The following H2AZ2 variants were observed in gnomAD, a reference collection of about 807,000 sequenced individuals.
The protein encoded by H2AZ2 is H2A.Z variant histone 2, also known as histone H2A.V.
In H2AZ2, 5 loss-of-function variants were observed where a neutral mutation model predicts 15.5. The observed-to-expected ratio is 0.32, with a 90% CI of 0.17 to 0.68. The LOEUF is 0.68. H2AZ2 is among the 30% of genes least tolerant of loss of function. H2AZ2 has a pLI of 0.72. For synonymous variants in H2AZ2, 44 were observed against 57.4 expected (o/e 0.77, Z 1.05); for missense variants, 42 against 162.5 (o/e 0.26, Z 4.03).
At chr7:44,843,763 G>T (rs1793333420) in intron 1 of H2AZ2, among the ~76,000 whole-genome samples, 1 of 152,064 alleles carries the variant, frequency 6.6e-6, no homozygotes, top group African/African-American at 2.4e-5. Context: ...TCACTATGTT[G>T]GCCAAGCTGG....
At chr7:44,837,876 C>T (rs745354439) in intron 3 of H2AZ2, among the ~76,000 whole-genome samples, 4 of 151,146 alleles carry the variant, frequency 2.6e-5, no homozygotes, top group Non-Finnish European at 5.9e-5. Flanking sequence ...TTGTGAACCA[C>T]AATGTTCAAT....
At chr7:44,847,897 G>T in intron 1 of H2AZ2, 72 bp downstream of exon 1, 1 of 1,528,514 alleles carries the variant, frequency 6.5e-7, no homozygotes, top group Non-Finnish European at 8.7e-7. Flanking sequence ...CACAGGTAGC[G>T]GCGCCGACGC....
In H2AZ2 at chr7:44,835,579, C is replaced by T. The variant is rs1389504612; in HGVS notation, c.275G>A (p.Arg92His). 1.9e-6 allele frequency: 3 copies of T among 1,613,918 alleles called. No individual in the cohort carries two copies. Among genetic ancestry groups the T allele is most frequent in the Non-Finnish European group, 2.5e-6 (3 of 1,179,910 alleles). The change falls in exon 4 of 5, where the codon CGT becomes CAT. Residue 92 changes from arginine (R) to histidine (H), a missense_variant. Coordinates refer to ENST00000308153, the MANE Select transcript of H2AZ2 (RefSeq NM_012412.5). ...AAGAGAATCCAACTCTTCATCACCA[C>T]GGATTGCAAGCTGCAAGTGACGCGG... ...ITPRHLQLAIRGDEELDSLIK... is the reference protein window; with the variant it reads ...ITPRHLQLAIHGDEELDSLIK...
intron 2 of H2AZ2, among the ~76,000 whole-genome samples, chr7:44,841,426 T>C (rs1562788224): frequency 1.3e-5 from 2 of 152,208 alleles, no homozygotes; most frequent in African/African-American, 4.8e-5. Context: ...TCAATACTAT[T>C]ATCTCATTGT....
rs1171154430 is a variant in H2AZ2, at chr7:44,833,309, T to G, written c.*1192A>C. 1.3e-5 allele frequency among the ~76,000 whole-genome samples: 2 copies of G among 152,182 alleles called. No individual in the cohort carries two copies. The highest frequency in any genetic ancestry group is 3.9e-4 in the East Asian group (2 of 5,192). On this transcript the variant is annotated 3_prime_UTR_variant, in exon 5 of 5. Transcript: ENST00000308153. ...GTGCAGTGGCGCCATCTTGGCTCACTGCAAGCTCCGCCTCCCGGGTTCACG... is the reference window on the plus strand; with the variant it reads ...GTGCAGTGGCGCCATCTTGGCTCACGGCAAGCTCCGCCTCCCGGGTTCACG...
At position 44,833,377 on chromosome 7, in the gene H2AZ2, C is replaced by T. The variant is rs1185578958; in HGVS notation, c.*1124G>A. Among the ~76,000 whole-genome samples, 3 of 152,092 alleles carry T rather than the reference C, an allele frequency of 2.0e-5. No individual in the cohort carries two copies. Among genetic ancestry groups the T allele is most frequent in the African/African-American group, 7.2e-5 (3 of 41,390 alleles). ...CCTCCTGAGTAGCTGGGACTACAGGCGCGTGCCACCACACCCGGCTAATTT... is the reference window on the plus strand; with the variant it reads ...CCTCCTGAGTAGCTGGGACTACAGGTGCGTGCCACCACACCCGGCTAATTT... On this transcript the variant is annotated 3_prime_UTR_variant, in exon 5 of 5. Transcript: ENST00000308153.
intron 2 of H2AZ2, among the ~76,000 whole-genome samples, chr7:44,841,984 AT>A: frequency 6.6e-6 from 1 of 152,180 alleles, no homozygotes; most frequent in Non-Finnish European, 1.5e-5. Flanking sequence ...CTTGTCACCC[AT>A]TTTTCCTAAC....
chr7:44,842,193 T>TA (rs911727806), intron 2 of H2AZ2, among the ~76,000 whole-genome samples: 28 of 152,220 alleles, frequency 1.8e-4, no homozygotes, highest in African/African-American at 6.8e-4. Flanking sequence ...CATTTCATCT[T>TA]AGACTTCAGA....
At chr7:44,837,402 G>A (rs1208495754) in intron 3 of H2AZ2, among the ~76,000 whole-genome samples, 7 of 119,722 alleles carry the variant, frequency 5.8e-5, no homozygotes, top group Admixed American at 3.2e-4. Flanking sequence ...CAGCCTGGGC[G>A]ACAGAGCAAG....
downstream of H2AZ2, among the ~76,000 whole-genome samples, chr7:44,831,523 A>G (rs1792998407): frequency 6.6e-6 from 1 of 151,186 alleles, no homozygotes; most frequent in East Asian, 1.9e-4. Flanking sequence ...TGTTGATTAT[A>G]TTGCACTCCC....
intron 1 of H2AZ2, among the ~76,000 whole-genome samples, chr7:44,846,402 G>C (rs924441788): frequency 2.6e-5 from 4 of 152,068 alleles, no homozygotes; most frequent in African/African-American, 7.2e-5. Context: ...CGGATCACAA[G>C]GTCAAGAGAT....
At chr7:44,845,407 T>G (rs903159509) in intron 1 of H2AZ2, among the ~76,000 whole-genome samples, 2 of 152,166 alleles carry the variant, frequency 1.3e-5, no homozygotes, top group Admixed American at 1.3e-4. Context: ...AAAAATACAA[T>G]TTTTGGATTT....
At chr7:44,838,579 G>C (rs552857745) in intron 3 of H2AZ2, among the ~76,000 whole-genome samples, 2 of 152,270 alleles carry the variant, frequency 1.3e-5, no homozygotes, top group East Asian at 3.9e-4. Context: ...CTGGAACCCA[G>C]AAGGCAGAGG....
chr7:44,844,835 A>G (rs978973928), intron 1 of H2AZ2, among the ~76,000 whole-genome samples: 3 of 152,222 alleles, frequency 2.0e-5, no homozygotes, highest in African/African-American at 7.2e-5. Flanking sequence ...TTAAGTAAAT[A>G]TGGGGTATTA....
Position 44,833,789 on chromosome 7 carries a change from T to C in H2AZ2, c.*712A>G. 1.4e-6 allele frequency: 1 copy of C among 707,596 alleles called. No homozygotes were observed. The highest frequency in any genetic ancestry group is 1.7e-6 in the Non-Finnish European group (1 of 575,890). 43.8% of individuals were successfully genotyped at this position (707,596 alleles called of 1,614,324 possible). On this transcript the variant is annotated 3_prime_UTR_variant, in exon 5 of 5. Transcript: ENST00000308153. The stretch of plus-strand genomic sequence containing the variant: ...TTTTCTATCTACCAGTTCAATGTTT[T>C]TTGGCATAGCACACAATTTCTGTGA...
intron 2 of H2AZ2, among the ~76,000 whole-genome samples, chr7:44,842,129 C>T (rs560936104): frequency 6.6e-6 from 1 of 152,182 alleles, no homozygotes; most frequent in Admixed American, 6.5e-5. Context: ...TCTTCTTTTC[C>T]TTTGTATCCT....
chr7:44,835,564 A>T lies in H2AZ2; in HGVS notation c.290T>A (p.Leu97Ter). 1.9e-6 allele frequency: 3 copies of T among 1,613,956 alleles called. No individual in the cohort carries two copies. Among genetic ancestry groups the T allele is most frequent in the Non-Finnish European group, 2.5e-6 (3 of 1,179,880 alleles). ...TATGGTAGCCTTGATAAGAGAATCCAACTCTTCATCACCACGGATTGCAAG... is the reference window on the plus strand; with the variant it reads ...TATGGTAGCCTTGATAAGAGAATCCTACTCTTCATCACCACGGATTGCAAG... Reference protein sequence around the residue: ...LQLAIRGDEELDSLIKATIAG... With the variant: ...LQLAIRGDEE The change falls in exon 4 of 5, where the codon TTG becomes TAG. Residue 97 changes from leucine to a stop codon, truncating the protein, a stop_gained. Coordinates refer to ENST00000308153, the MANE Select transcript of H2AZ2 (RefSeq NM_012412.5). LOFTEE classifies it high-confidence loss of function.
intron 3 of H2AZ2, among the ~76,000 whole-genome samples, chr7:44,837,101 G>A (rs1020518247): frequency 1.6e-4 from 24 of 151,854 alleles, no homozygotes; most frequent in Admixed American, 5.9e-4. Flanking sequence ...CCTTGACTCC[G>A]TCTCAAAAAA....
chr7:44,842,631 T>C (rs201144497), intron 2 of H2AZ2, among the ~76,000 whole-genome samples: 3 of 152,200 alleles, frequency 2.0e-5, no homozygotes, highest in Admixed American at 6.5e-5. Context: ...AAAACCTCCA[T>C]TGGCCTTCCA....
Sources: gnomAD v4.1 joint callset for allele counts (sites outside exome capture counted in the v4.1 genomes callset) on GRCh38, gnomAD v4.1.1 for gene constraint, MANE v1.5 for transcripts, NCBI Gene and HGNC (gene_info 2026-07-23, HGNC 2026-07-21) for gene names.